Variants in MOB1A observed in about 807,000 individuals in gnomAD.
The protein encoded by MOB1A is MOB kinase activator 1A, also known as MOB1 Mps One Binder homolog A.
In MOB1A, 10 loss-of-function variants were observed where a neutral mutation model predicts 25.1. The observed-to-expected ratio is 0.40, with a 90% CI of 0.25 to 0.68. The LOEUF (loss-of-function observed/expected upper bound fraction) is 0.68, where lower values mean the gene tolerates loss of function less well. Ranked by LOEUF, MOB1A falls within the 30% of genes least tolerant of loss-of-function variation. MOB1A has a pLI of 0.40. For synonymous variants in MOB1A, 81 were observed against 79.5 expected (o/e 1.02, Z -0.10); for missense variants, 177 against 256.3 (o/e 0.69, Z 2.11).
chr2:74,176,681 G>A (rs1374934073), intron 1 of MOB1A, among the ~76,000 whole-genome samples: 3 of 150,608 alleles, frequency 2.0e-5, no homozygotes, highest in Admixed American at 6.6e-5. Flanking sequence ...GGAGAATGGC[G>A]TGAACCCGGG....
At chr2:74,161,687 G>C (rs146420382) in intron 4 of MOB1A, among the ~76,000 whole-genome samples, 1 of 151,004 alleles carries the variant, frequency 6.6e-6, no homozygotes, top group Admixed American at 6.6e-5. Context: ...AGGTGCAGTG[G>C]CTCATGCCTG....
chr2:74,177,331 G>A (rs951777439), intron 1 of MOB1A, among the ~76,000 whole-genome samples: 1 of 151,898 alleles, frequency 6.6e-6, no homozygotes, highest in Non-Finnish European at 1.5e-5. Context: ...CTAGCCTGGA[G>A]GACAGAGCGA....
At chr2:74,156,747 A>G in intron 5 of MOB1A, 102 bp from the exon 6 acceptor site, 2 of 769,692 alleles carry the variant, frequency 2.6e-6, no homozygotes, top group Non-Finnish European at 2.1e-6. Flanking sequence ...TCTGAAGTCC[A>G]AAAGAATGAT....
chr2:74,169,905 A>G (rs945668600), intron 2 of MOB1A, among the ~76,000 whole-genome samples: 2 of 152,290 alleles, frequency 1.3e-5, no homozygotes, highest in Non-Finnish European at 2.9e-5. Flanking sequence ...CTGGGATTAC[A>G]GACATGAGCC....
At position 74,153,188 on chromosome 2, in the gene MOB1A, G is replaced by C. The variant is rs745464183; in HGVS notation, c.*3380C>G. On this transcript the variant is annotated 3_prime_UTR_variant, in exon 6 of 6. Coordinates refer to ENST00000396049, the MANE Select transcript of MOB1A (RefSeq NM_018221.5). ...GACAGGAGGCAGGCTCCTAAAACAA[G>C]GCGGTAGCACCAGCACCATGACTAG... The C allele has an allele frequency of 6.6e-6, 1 of 152,174 alleles. No individual in the cohort carries two copies. Among genetic ancestry groups the C allele is most frequent in the Non-Finnish European group, 1.5e-5 (1 of 68,040 alleles). 9.4% of individuals were successfully genotyped at this position (152,174 alleles called of 1,614,324 possible).
Position 74,155,388 on chromosome 2 carries a change from G to A in MOB1A, c.*1180C>T, listed in dbSNP as rs1254903031. 6.6e-6 allele frequency: 1 copy of A among 152,568 alleles called. No homozygotes were observed. Among genetic ancestry groups the A allele is most frequent in the African/African-American group, 2.4e-5 (1 of 41,444 alleles). The allele number at this position is 152,568 out of a possible 1,614,324, so 9.5% of individuals were successfully genotyped here. On this transcript the variant is annotated 3_prime_UTR_variant, in exon 6 of 6. Coordinates refer to ENST00000396049, the MANE Select transcript of MOB1A (RefSeq NM_018221.5). ...ATCTTTTGAATATTAACAAAATGAGGATTTTTTTAAAACTTATTTCTCCCA... is the reference window on the plus strand; with the variant it reads ...ATCTTTTGAATATTAACAAAATGAGAATTTTTTTAAAACTTATTTCTCCCA...
intron 4 of MOB1A, among the ~76,000 whole-genome samples, chr2:74,162,175 T>A (rs1340618726): frequency 4.6e-5 from 7 of 151,970 alleles, no homozygotes; most frequent in Admixed American, 4.6e-4. Context: ...AATGAATTAT[T>A]TAAGAACAAG....
At chr2:74,170,265 G>T (rs557345016) in intron 2 of MOB1A, among the ~76,000 whole-genome samples, 164 of 151,854 alleles carry the variant, frequency 1.1e-3, no homozygotes, top group Non-Finnish European at 1.9e-3. Flanking sequence ...CAGCCTCCAA[G>T]TAGCTGGGAC....
chr2:74,178,329 T>A (rs1468378420), intron 1 of MOB1A: 1 of 226,734 alleles, frequency 4.4e-6, no homozygotes, highest in African/African-American at 2.3e-5. Flanking sequence ...TTCTAGAAGC[T>A]CGAGACAAGA....
intron 2 of MOB1A, among the ~76,000 whole-genome samples, chr2:74,170,523 T>C (rs1434519956): frequency 6.6e-6 from 1 of 151,592 alleles, no homozygotes; most frequent in African/African-American, 2.4e-5. Context: ...TTACCTGAAG[T>C]CAGGAGTTCG....
chr2:74,166,736 T>C (rs1693139762), intron 3 of MOB1A, among the ~76,000 whole-genome samples: 1 of 152,166 alleles, frequency 6.6e-6, no homozygotes, highest in Admixed American at 6.6e-5. Context: ...CTCGGGAGGC[T>C]GAGGCATGAG....
intron 5 of MOB1A, 91 bp downstream of exon 5, chr2:74,159,000 T>A: frequency 7.7e-7 from 1 of 1,299,252 alleles, no homozygotes; most frequent in Non-Finnish European, 1.1e-6. Context: ...TGGCTCTACA[T>A]CTATAACTAA....
intron 1 of MOB1A, among the ~76,000 whole-genome samples, chr2:74,175,920 G>C (rs1273724200): frequency 1.3e-5 from 2 of 152,040 alleles, no homozygotes; most frequent in Non-Finnish European, 2.9e-5. Flanking sequence ...TACTTTACCT[G>C]AGTAATTTGG....
rs552397139 is a variant in MOB1A, at chr2:74,171,835, G to A, written c.181+751C>T. On this transcript the variant is annotated intron_variant, in intron 2 of 5. Transcript: ENST00000396049. ...GGAGAATGGCTTGAACCCGGGAGGT[G>A]GAGGTTGCAGTGAAGCAAGATTGAG... Among the ~76,000 whole-genome samples, 14 of 152,212 alleles carry A rather than the reference G, an allele frequency of 9.2e-5. No homozygotes were observed. The South Asian group carries it at 1.4e-3, about 16-fold the overall frequency.
At chr2:74,162,666 T>G (rs1265702730) in intron 4 of MOB1A, among the ~76,000 whole-genome samples, 1 of 152,106 alleles carries the variant, frequency 6.6e-6, no homozygotes, top group African/African-American at 2.4e-5. Context: ...AATAAAAGGT[T>G]TAATAGCAGA....
At position 74,169,752 on chromosome 2, in the gene MOB1A, C is replaced by T. The variant is rs561369151; in HGVS notation, c.182-2645G>A. On this transcript the variant is annotated intron_variant, in intron 2 of 5. Coordinates refer to ENST00000396049, the MANE Select transcript of MOB1A (RefSeq NM_018221.5). ...CAAGCAATTCTCCTGCCTCAGCCTC[C>T]TCAGTAGCTGGGATTACAGGTGTGT... 8.7e-4 allele frequency among the ~76,000 whole-genome samples: 132 copies of T among 151,922 alleles called. 1 individual carries two copies. The South Asian group carries it at 0.01, about 12-fold the overall frequency.
chr2:74,178,835 T>C lies in MOB1A; in HGVS notation c.-161A>G, dbSNP rs966268448. On this transcript the variant is annotated 5_prime_UTR_variant, in exon 1 of 6. Transcript: ENST00000396049. ...TGGCCGCTGCGAGCCTTTGCAAACC[T>C]CGGCGCCCGCCTTGCCCGCCTACCC... The C allele has an allele frequency of 6.9e-5, 29 of 417,740 alleles. No homozygotes were observed. Among genetic ancestry groups the C allele is most frequent in the Admixed American group, 4.0e-4 (9 of 22,226 alleles). 25.9% of individuals were successfully genotyped at this position (417,740 alleles called of 1,614,324 possible).
Position 74,155,640 on chromosome 2 carries a change from A to C in MOB1A, c.*928T>G, listed in dbSNP as rs1692784561. On this transcript the variant is annotated 3_prime_UTR_variant, in exon 6 of 6. Transcript: ENST00000396049. The stretch of plus-strand genomic sequence containing the variant: ...TTTTTTAATAAAAGGAAATAAAATA[A>C]TCAAGTACTCTGAGTATTTTCCTCC... The C allele has an allele frequency of 6.6e-6, 1 of 152,622 alleles. No homozygotes were observed. The allele number at this position is 152,622 out of a possible 1,614,324, so 9.5% of individuals were successfully genotyped here.
chr2:74,153,890 G>A lies in MOB1A; in HGVS notation c.*2678C>T, dbSNP rs747475607. 7.9e-5 allele frequency: 12 copies of A among 152,240 alleles called. No homozygotes were observed. The highest frequency in any genetic ancestry group is 5.8e-4 in the East Asian group (3 of 5,194). 9.4% of individuals were successfully genotyped at this position (152,240 alleles called of 1,614,324 possible). A position where few individuals can be genotyped will look rare whatever the true frequency, so the allele number is the denominator to read the frequency against. On this transcript the variant is annotated 3_prime_UTR_variant, in exon 6 of 6. Transcript: ENST00000396049. ...AGATTGATTTCTATAGGCCGGGCAC[G>A]GTGGCTCATGCCTGTAATCCCAACA...
Sources: gnomAD v4.1 joint callset for allele counts (sites outside exome capture counted in the v4.1 genomes callset) on GRCh38, gnomAD v4.1.1 for gene constraint, MANE v1.5 for transcripts, NCBI Gene and HGNC (gene_info 2026-07-23, HGNC 2026-07-21) for gene names.